The following TESC variants were observed in gnomAD, a reference collection of about 807,000 sequenced individuals.
The protein encoded by TESC is tescalcin, also known as calcineurin B homologous protein 3.
In TESC, 19 loss-of-function variants were observed where a neutral mutation model predicts 31.0. The observed-to-expected ratio is 0.61, with a 90% CI of 0.43 to 0.90. The LOEUF is 0.90. Ranked by LOEUF, TESC falls within the 40% of genes least tolerant of loss-of-function variation. TESC has a pLI of 0.00. For missense variants in TESC, 248 were observed against 303.8 expected (o/e 0.82, Z 1.36); for synonymous variants, 109 against 114.8 (o/e 0.95, Z 0.32).
At chr12:117,078,447 G>A (rs1479214707) in intron 1 of TESC, among the ~76,000 whole-genome samples, 1 of 152,056 alleles carries the variant, frequency 6.6e-6, no homozygotes, top group Non-Finnish European at 1.5e-5. Context: ...GCCTTGGCAA[G>A]AGAACGAGAC....
rs1334925423 is a variant in TESC at position 117,048,575 on chromosome 12, A to G, written c.349+444T>C. On this transcript the variant is annotated intron_variant, in intron 4 of 7. Coordinates refer to ENST00000335209, the MANE Select transcript of TESC (RefSeq NM_017899.4). The stretch of plus-strand genomic sequence containing the variant: ...CAGGAACCCAGCAATAGCACAGCCC[A>G]TGGAGGAGGGAGAGGAGGAAACTGA... 3 of 402,174 alleles carry G rather than the reference A, an allele frequency of 7.5e-6. No individual in the cohort carries two copies. The East Asian group carries it at 2.1e-4, about 29-fold the overall frequency. The allele number at this position is 402,174 out of a possible 1,614,324, so 24.9% of individuals were successfully genotyped here.
intron 3 of TESC, among the ~76,000 whole-genome samples, chr12:117,054,353 T>C (rs1262422473): frequency 6.6e-6 from 1 of 151,110 alleles, no homozygotes; most frequent in Admixed American, 6.6e-5. Context: ...GCGTCCCCCA[T>C]CTTGGCTCCT....
At chr12:117,041,020 CG>C (rs1170635678) in intron 7 of TESC, among the ~76,000 whole-genome samples, 2 of 44,616 alleles carry the variant, frequency 4.5e-5, no homozygotes, top group Non-Finnish European at 8.8e-5. Context: ...GGCCGAACTG[CG>C]GGGAGGGGGA....
At chr12:117,059,427 A>G (rs945550038) in intron 2 of TESC, among the ~76,000 whole-genome samples, 1 of 152,214 alleles carries the variant, frequency 6.6e-6, no homozygotes, top group Non-Finnish European at 1.5e-5. Context: ...GGGCAGACTC[A>G]TGTTTTAGAT....
chr12:117,046,891 C>T, intron 4 of TESC, 53 bp from the exon 5 acceptor site: 1 of 1,527,760 alleles, frequency 6.5e-7, no homozygotes, highest in Admixed American at 2.0e-5. Flanking sequence ...TGGCCCCTGC[C>T]ACCCCCTGAA....
At chr12:117,091,321 C>T (rs1368890563) in intron 1 of TESC, among the ~76,000 whole-genome samples, 1 of 152,208 alleles carries the variant, frequency 6.6e-6, no homozygotes. Flanking sequence ...ACACCTCATT[C>T]CCTCAGCTCG....
intron 6 of TESC, among the ~76,000 whole-genome samples, chr12:117,043,362 G>C (rs1000631628): frequency 6.6e-6 from 1 of 151,954 alleles, no homozygotes; most frequent in Non-Finnish European, 1.5e-5. Flanking sequence ...TCTGTACAAC[G>C]TGTGTTTAAG....
intron 2 of TESC, among the ~76,000 whole-genome samples, chr12:117,062,135 A>T (rs1954807530): frequency 2.0e-5 from 3 of 152,164 alleles, no homozygotes; most frequent in African/African-American, 7.2e-5. Context: ...GTACCCTCAA[A>T]ATGGAAGGAA....
At chr12:117,063,164 C>T (rs1259142157) in intron 2 of TESC, among the ~76,000 whole-genome samples, 1 of 152,186 alleles carries the variant, frequency 6.6e-6, no homozygotes, top group African/African-American at 2.4e-5. Flanking sequence ...GAACACAAGG[C>T]CCAGAGAGGC....
intron 1 of TESC, among the ~76,000 whole-genome samples, chr12:117,075,871 G>GTGTGTGTGTATATATATATATATA (rs1955050280): frequency 2.2e-5 from 1 of 45,104 alleles, no homozygotes; most frequent in Non-Finnish European, 3.6e-5. Flanking sequence ...ATATATATAT[G>GTGTGTGTGTATATATATATATATA]TGTGTATATA....
chr12:117,078,078 T>C (rs1249725078), intron 1 of TESC, among the ~76,000 whole-genome samples: 2 of 152,194 alleles, frequency 1.3e-5, no homozygotes, highest in Non-Finnish European at 2.9e-5. Flanking sequence ...TAAAAAATAA[T>C]AGATGCAACA....
intron 6 of TESC, among the ~76,000 whole-genome samples, chr12:117,044,834 T>C (rs1380360646): frequency 6.6e-6 from 1 of 151,866 alleles, no homozygotes; most frequent in Non-Finnish European, 1.5e-5. Context: ...GAGGTGGAGG[T>C]TGCAGTGAGC....
chr12:117,055,084 C>A (rs538460496), intron 3 of TESC, among the ~76,000 whole-genome samples: 2 of 152,342 alleles, frequency 1.3e-5, no homozygotes, highest in African/African-American at 4.8e-5. Context: ...GTAAGCTTCA[C>A]CACACATCCC....
At chr12:117,099,102 G>T in intron 1 of TESC, 123 bp downstream of exon 1, 1 of 1,059,518 alleles carries the variant, frequency 9.4e-7, no homozygotes, top group Non-Finnish European at 1.3e-6. Context: ...GGAGGAGACT[G>T]AGGCGCAGAG....
intron 4 of TESC, chr12:117,048,732 C>G (rs996526528): frequency 1.7e-6 from 1 of 572,638 alleles, no homozygotes; most frequent in Non-Finnish European, 3.3e-6. Flanking sequence ...ACGGGCCACA[C>G]TGGAACCCAG....
intron 2 of TESC, among the ~76,000 whole-genome samples, chr12:117,068,323 A>G (rs1396863770): frequency 6.6e-6 from 1 of 152,136 alleles, no homozygotes; most frequent in Non-Finnish European, 1.5e-5. Context: ...TGAGGTCAGG[A>G]GTTTAAGACC....
rs938597907 is a variant in TESC at position 117,041,563 on chromosome 12, C to T, written c.567+384G>A. Among the ~76,000 whole-genome samples, 4 of 152,154 alleles carry T rather than the reference C, an allele frequency of 2.6e-5. No homozygotes were observed. The East Asian group carries it at 5.8e-4, about 22-fold the overall frequency. On this transcript the variant is annotated intron_variant, in intron 7 of 7. Transcript: ENST00000335209. ...GGTCAAGCTGGTCTCGAACTCCTGA[C>T]GTCAGGTGATCTGCCCGCCTCAGCC...
chr12:117,073,107 T>C (rs972193863), intron 2 of TESC, among the ~76,000 whole-genome samples: 1 of 152,210 alleles, frequency 6.6e-6, no homozygotes, highest in African/African-American at 2.4e-5. Context: ...ACTTGTGTCA[T>C]GCTACACACT....
intron 3 of TESC, among the ~76,000 whole-genome samples, chr12:117,056,493 C>A (rs1954726489): frequency 6.6e-6 from 1 of 152,112 alleles, no homozygotes; most frequent in Non-Finnish European, 1.5e-5. Context: ...CCACCGCAGC[C>A]TCCCCAGCAG....
Sources: allele counts gnomAD v4.1 joint callset (sites outside exome capture counted in the v4.1 genomes callset), GRCh38; gene constraint gnomAD v4.1.1; transcripts MANE v1.5; gene names NCBI Gene and HGNC (gene_info 2026-07-23, HGNC 2026-07-21).